DNAH11: variants seen among roughly 807,000 people sequenced by gnomAD.
The protein encoded by DNAH11 is axonemal beta dynein heavy chain 11.
Under a neutral mutation model 526.0 loss-of-function variants are expected in DNAH11, and 442 were observed. The observed-to-expected ratio is 0.84, with a 90% CI of 0.78 to 0.91. The LOEUF (loss-of-function observed/expected upper bound fraction) is 0.91, where lower values mean the gene tolerates loss of function less well. Among genes scored for constraint, DNAH11 ranks in the 40% least tolerant of loss-of-function variants. The pLI is 0.00. For synonymous variants in DNAH11, 2,461 were observed against 1,935.9 expected (o/e 1.27, Z -7.12); for missense variants, 6,989 against 5,448.7 (o/e 1.28, Z -8.90).
chr7:21,641,494 C>T (rs1434052228), intron 28 of DNAH11, among the ~76,000 whole-genome samples: 1 of 152,192 alleles, frequency 6.6e-6, no homozygotes, highest in African/African-American at 2.4e-5. Flanking sequence ...TGTGCACATA[C>T]TCACCACCTC....
chr7:21,586,523 T>C (rs546561041), intron 9 of DNAH11, among the ~76,000 whole-genome samples: 2 of 152,232 alleles, frequency 1.3e-5, no homozygotes, highest in South Asian at 4.1e-4. Context: ...TAAGGTATAG[T>C]TATAGTTACA....
intron 56 of DNAH11, among the ~76,000 whole-genome samples, chr7:21,777,769 T>G (rs116340175): frequency 0.014 from 2,078 of 152,184 alleles, 48 homozygotes; most frequent in African/African-American, 0.048. Context: ...GGCTGAAAAA[T>G]CAGTCATAGC....
At chr7:21,691,327 G>A (rs1783615229) in intron 35 of DNAH11, among the ~76,000 whole-genome samples, 1 of 151,684 alleles carries the variant, frequency 6.6e-6, no homozygotes, top group Non-Finnish European at 1.5e-5. Context: ...AGAGCACAGG[G>A]TGAAAGGCTA....
rs1162033530 is a variant in DNAH11 at position 21,564,355 on chromosome 7, T to C, written c.1152T>C (p.Val384=). The C allele has an allele frequency of 6.2e-7, 1 of 1,613,472 alleles. No homozygotes were observed. Among genetic ancestry groups the C allele is most frequent in the South Asian group, 1.1e-5 (1 of 91,052 alleles). ...AGTTTTATAACACCCCAGCTCGGGT[T>C]ATAGTTTTATTGCAAGAGTTTTGTA... is the stretch of plus-strand genomic sequence containing the variant. ...HSKFYNTPAR[V]IVLLQEFCNL... Residue 384 remains valine (V), a synonymous_variant, in exon 6 of 82, where the codon GTT becomes GTC. Transcript: ENST00000409508.
Position 21,591,250 on chromosome 7 carries a change from T to G in DNAH11, c.2340T>G (p.Val780=). ...AACTCAAACAGACGCTCCTGGAAGTTGAATACCCTCTGATTGAAGATGAGC... is the reference window on the plus strand; with the variant it reads ...AACTCAAACAGACGCTCCTGGAAGTGGAATACCCTCTGATTGAAGATGAGC... ...YNKLKQTLLE[V]EYPLIEDELR... Residue 780 remains valine (V), a synonymous_variant, in exon 14 of 82, where the codon GTT becomes GTG. Transcript: ENST00000409508. The G allele has an allele frequency of 6.3e-7, 1 of 1,599,702 alleles. No individual in the cohort carries two copies. Among genetic ancestry groups the G allele is most frequent in the Non-Finnish European group, 8.5e-7 (1 of 1,172,524 alleles).
At position 21,716,337 on chromosome 7, in the gene DNAH11, T is replaced by C. The variant is rs78155993; in HGVS notation, c.6984-1438T>C. ...ACTCTGTACTAATGAGTAACGTTTA[T>C]TGAGAATTTATTTGTCAGATGCTAA... On this transcript the variant is annotated intron_variant, in intron 42 of 81. Coordinates refer to ENST00000409508, the MANE Select transcript of DNAH11 (RefSeq NM_001277115.2). Among the ~76,000 whole-genome samples, 260 of 152,298 alleles carry C rather than the reference T, an allele frequency of 1.7e-3. 1 individual carries two copies. Among genetic ancestry groups the C allele is most frequent in the African/African-American group, 5.9e-3 (245 of 41,560 alleles).
chr7:21,572,327 T>C (rs1011204655), intron 8 of DNAH11, among the ~76,000 whole-genome samples: 2 of 152,240 alleles, frequency 1.3e-5, no homozygotes, highest in East Asian at 3.8e-4. Flanking sequence ...GGATGTTTTG[T>C]TTTTTGATTC....
intron 30 of DNAH11, among the ~76,000 whole-genome samples, chr7:21,661,974 A>T (rs1034724154): frequency 3.9e-5 from 6 of 151,932 alleles, no homozygotes; most frequent in African/African-American, 1.5e-4. Context: ...ACCCTCCATT[A>T]TGCCCAGCTA....
At chr7:21,739,442 A>AG (rs1189982589) in intron 47 of DNAH11, 129 bp from the exon 48 acceptor site, 2 of 638,914 alleles carry the variant, frequency 3.1e-6, no homozygotes, top group Admixed American at 3.6e-5. Flanking sequence ...AAGGCTCACT[A>AG]GGTCAACCTC....
At chr7:21,739,287 G>A (rs1785764515) in intron 47 of DNAH11, among the ~76,000 whole-genome samples, 1 of 152,036 alleles carries the variant, frequency 6.6e-6, no homozygotes, top group Non-Finnish European at 1.5e-5. Context: ...TCTTGCTATG[G>A]GTACAAGATA....
intron 76 of DNAH11, among the ~76,000 whole-genome samples, chr7:21,886,553 C>G (rs1228968794): frequency 6.6e-6 from 1 of 152,166 alleles, no homozygotes; most frequent in East Asian, 1.9e-4. Context: ...CAGGAAAGGT[C>G]TGGGAGCAAG....
chr7:21,847,215 C>T (rs9969211), intron 66 of DNAH11, among the ~76,000 whole-genome samples: 24,272 of 152,086 alleles, frequency 0.16, 3,917 homozygotes, highest in African/African-American at 0.41. Flanking sequence ...TATGTATTCA[C>T]AAGCTTGCTT....
chr7:21,602,557 TTGTGTGTGTGTGTGTG>T (rs60703018), intron 18 of DNAH11, among the ~76,000 whole-genome samples: 29,039 of 149,062 alleles, frequency 0.19, 2,943 homozygotes, highest in East Asian at 0.47. Context: ...ATTTTATAGA[TTGTGTGTGTGTGTGTG>T]TGTGTGTGTG....
chr7:21,704,706 A>C, intron 38 of DNAH11, 78 bp downstream of exon 38: 1 of 1,487,852 alleles, frequency 6.7e-7, no homozygotes, highest in Non-Finnish European at 9.0e-7. Flanking sequence ...ATACTAAAGC[A>C]AGATGTTAAC....
intron 68 of DNAH11, among the ~76,000 whole-genome samples, 156 bp downstream of exon 68, chr7:21,854,611 G>A (rs558354112): frequency 6.6e-5 from 10 of 152,124 alleles, no homozygotes; most frequent in South Asian, 4.2e-4. Flanking sequence ...GTGCAGTGGC[G>A]TGATCATTGC....
chr7:21,796,290 GC>G (rs1219758496), intron 61 of DNAH11, among the ~76,000 whole-genome samples: 3 of 152,176 alleles, frequency 2.0e-5, no homozygotes, highest in African/African-American at 4.8e-5. Context: ...GGATCTGTGA[GC>G]CATATATGAG....
chr7:21,853,888 A>T (rs986337950), intron 67 of DNAH11, among the ~76,000 whole-genome samples: 23 of 152,180 alleles, frequency 1.5e-4, no homozygotes, highest in African/African-American at 5.3e-4. Flanking sequence ...TATATTATTG[A>T]CCTTGACTGC....
chr7:21,737,253 A>G (rs1785658997), intron 46 of DNAH11, among the ~76,000 whole-genome samples: 1 of 152,194 alleles, frequency 6.6e-6, no homozygotes, highest in Non-Finnish European at 1.5e-5. Context: ...AAGCATAGTG[A>G]TTGGGTGCAA....
chr7:21,788,343 C>T (rs2127987758), intron 60 of DNAH11, among the ~76,000 whole-genome samples: 1 of 152,108 alleles, frequency 6.6e-6, no homozygotes, highest in Non-Finnish European at 1.5e-5. Context: ...ACTGTGGGGC[C>T]CACAGGGATA....
Sources: gnomAD v4.1 joint callset for allele counts (sites outside exome capture counted in the v4.1 genomes callset) on GRCh38, gnomAD v4.1.1 for gene constraint, MANE v1.5 for transcripts, NCBI Gene and HGNC (gene_info 2026-07-23, HGNC 2026-07-21) for gene names.